PDIA5: variants seen among roughly 807,000 people sequenced by gnomAD.
PDIA5 encodes protein disulfide isomerase family A member 5, also known as protein disulfide-isomerase A5.
Under a neutral mutation model 77.6 loss-of-function variants are expected in PDIA5, and 58 were observed. That is an observed-to-expected ratio of 0.75 (90% CI 0.61 to 0.93). The LOEUF is 0.93. PDIA5 is among the 40% of genes least tolerant of loss of function. The probability of loss-of-function intolerance (pLI) is 0.00; values close to 1 mark genes in which losing one functional copy is unlikely to be tolerated. For missense variants in PDIA5, 630 were observed against 647.7 expected, an observed-to-expected ratio of 0.97 and a Z score of 0.30; for synonymous variants, 250 against 252.1, an observed-to-expected ratio of 0.99 and a Z score of 0.08.
intron 11 of PDIA5, among the ~76,000 whole-genome samples, chr3:123,139,154 A>G (rs1935567556): frequency 6.6e-6 from 1 of 152,204 alleles, no homozygotes; most frequent in Non-Finnish European, 1.5e-5. Context: ...AAGGAAGTTT[A>G]GCAATAAAAC....
intron 11 of PDIA5, among the ~76,000 whole-genome samples, chr3:123,139,376 C>T (rs1935572997): frequency 6.6e-6 from 1 of 152,172 alleles, no homozygotes; most frequent in Non-Finnish European, 1.5e-5. Flanking sequence ...GTTTTCTCAG[C>T]CAGACCTTTC....
chr3:123,159,395 G>T (rs1936100766), intron 15 of PDIA5, among the ~76,000 whole-genome samples: 1 of 152,204 alleles, frequency 6.6e-6, no homozygotes, highest in Admixed American at 6.5e-5. Context: ...TATCAGAAGT[G>T]CATAGGGGCC....
intron 10 of PDIA5, among the ~76,000 whole-genome samples, chr3:123,129,885 G>A (rs911749390): frequency 1.3e-5 from 2 of 152,128 alleles, no homozygotes; most frequent in African/African-American, 2.4e-5. Context: ...TAGCATACAC[G>A]CTGTCGTAGT....
chr3:123,082,080 G>A (rs1233828810), intron 1 of PDIA5, among the ~76,000 whole-genome samples: 6 of 152,216 alleles, frequency 3.9e-5, no homozygotes, highest in Non-Finnish European at 7.3e-5. Context: ...TTGGCCCCAG[G>A]AACCTTGGGA....
chr3:123,146,316 C>CTT (rs2107982827), intron 13 of PDIA5, 57 bp downstream of exon 13: 1 of 1,462,982 alleles, frequency 6.8e-7, no homozygotes, highest in East Asian at 2.3e-5. Context: ...CCCCTGGAGA[C>CTT]CACCTTGAGG....
intron 8 of PDIA5, among the ~76,000 whole-genome samples, chr3:123,116,574 A>T (rs1935002271): frequency 6.6e-6 from 1 of 152,190 alleles, no homozygotes; most frequent in Non-Finnish European, 1.5e-5. Context: ...TGGCATTGTC[A>T]GGGGGCCAGG....
At chr3:123,084,268 G>A (rs1934080161) in intron 1 of PDIA5, among the ~76,000 whole-genome samples, 2 of 152,108 alleles carry the variant, frequency 1.3e-5, no homozygotes, top group South Asian at 4.2e-4. Context: ...CCTGTGCTGG[G>A]TAGACTTTCT....
At chr3:123,151,963 GCCTTCCTTCCTGCCTT>G (rs1236776688) in intron 14 of PDIA5, among the ~76,000 whole-genome samples, 3 of 106,252 alleles carry the variant, frequency 2.8e-5, no homozygotes, top group African/African-American at 7.9e-5. Flanking sequence ...CTTCCTGCCT[GCCTTCCTTCCTGCCTT>G]CCTTCCTGCC....
At chr3:123,101,196 G>A (rs931326073) in intron 3 of PDIA5, among the ~76,000 whole-genome samples, 10 of 152,190 alleles carry the variant, frequency 6.6e-5, no homozygotes, top group African/African-American at 2.2e-4. Context: ...TGCAATGAGT[G>A]GTTTCCAAAC....
rs773840874 is a variant in PDIA5, at chr3:123,124,352, G to GGT, written c.773+20_773+21dup. 28 of 1,601,716 alleles carry GGT rather than the reference G, an allele frequency of 1.7e-5. No individual in the cohort carries two copies. The highest frequency in any genetic ancestry group is 2.2e-5 in the East Asian group (1 of 44,828). ...GTGGAGTGGCTGAAGAAGTAAGTGGGGTGTGTGTGTGTCAGTGGGCGTGGA... is the reference window on the plus strand; with the variant it reads ...GTGGAGTGGCTGAAGAAGTAAGTGGGGTGTGTGTGTGTGTCAGTGGGCGTGGA... On this transcript the variant is annotated intron_variant, in intron 10 of 16. Coordinates refer to ENST00000316218, the MANE Select transcript of PDIA5 (RefSeq NM_006810.4).
At chr3:123,115,169 T>C (rs1576449480) in intron 7 of PDIA5, among the ~76,000 whole-genome samples, 1 of 152,320 alleles carries the variant, frequency 6.6e-6, no homozygotes, top group African/African-American at 2.4e-5. Flanking sequence ...TTTGGTTCTG[T>C]GCTCTTCAGA....
chr3:123,140,298 A>G (rs1404242323), intron 11 of PDIA5, among the ~76,000 whole-genome samples: 1 of 152,150 alleles, frequency 6.6e-6, no homozygotes, highest in Non-Finnish European at 1.5e-5. Context: ...TGTAGCCATA[A>G]TAAGTTTGGA....
chr3:123,067,880 A>ACC (rs369297317), intron 1 of PDIA5, among the ~76,000 whole-genome samples: 1 of 151,940 alleles, frequency 6.6e-6, no homozygotes, highest in Non-Finnish European at 1.5e-5. Flanking sequence ...AGGCAAAGCT[A>ACC]CCCCCATAGG....
intron 7 of PDIA5, among the ~76,000 whole-genome samples, chr3:123,112,041 A>G (rs1934875340): frequency 6.6e-6 from 1 of 152,204 alleles, no homozygotes; most frequent in Non-Finnish European, 1.5e-5. Context: ...CTATACCAAC[A>G]GAGTTGAGTC....
At chr3:123,107,918 C>T (rs563114668) in intron 6 of PDIA5, among the ~76,000 whole-genome samples, 2 of 152,246 alleles carry the variant, frequency 1.3e-5, no homozygotes, top group African/African-American at 4.8e-5. Context: ...CCTGCTTCGA[C>T]CTCCTAAGTA....
At chr3:123,142,788 G>A (rs1304701742) in intron 11 of PDIA5, among the ~76,000 whole-genome samples, 1 of 152,174 alleles carries the variant, frequency 6.6e-6, no homozygotes, top group East Asian at 1.9e-4. Flanking sequence ...GCTCAGCCCT[G>A]GCAGCGGAAT....
At chr3:123,067,571 C>T (rs917736097) in intron 1 of PDIA5, 11 of 275,560 alleles carry the variant, frequency 4.0e-5, no homozygotes, top group African/African-American at 8.8e-5. Flanking sequence ...GAGCCCTGCA[C>T]CTGTGTGAGT....
intron 15 of PDIA5, among the ~76,000 whole-genome samples, chr3:123,157,751 G>A (rs1246186043): frequency 1.3e-5 from 2 of 152,246 alleles, no homozygotes; most frequent in Admixed American, 1.3e-4. Context: ...CCCCTCCCGG[G>A]AGCTTACTTG....
chr3:123,155,626 T>A (rs919328484), intron 15 of PDIA5, among the ~76,000 whole-genome samples: 11 of 152,208 alleles, frequency 7.2e-5, no homozygotes, highest in Non-Finnish European at 1.0e-4. Flanking sequence ...GAAATACCCC[T>A]GAATTCGGGG....
Sources: allele counts gnomAD v4.1 joint callset (sites outside exome capture counted in the v4.1 genomes callset), GRCh38; gene constraint gnomAD v4.1.1; transcripts MANE v1.5; gene names NCBI Gene and HGNC (gene_info 2026-07-23, HGNC 2026-07-21).